RAD54L: variants seen among roughly 807,000 people sequenced by gnomAD.
The protein encoded by RAD54L is DNA repair and recombination protein RAD54-like.
Under a neutral mutation model 91.6 loss-of-function variants are expected in RAD54L, and 74 were observed. The observed-to-expected ratio is 0.81, with a 90% CI of 0.67 to 0.98. The LOEUF (loss-of-function observed/expected upper bound fraction) is 0.98. RAD54L is among the 50% of genes least tolerant of loss of function. The probability of loss-of-function intolerance (pLI) is 0.00; values close to 1 mark genes in which losing one functional copy is unlikely to be tolerated. For synonymous variants in RAD54L, 304 were observed against 349.7 expected (o/e 0.87, Z 1.46); for missense variants, 887 against 945.7 (o/e 0.94, Z 0.81).
chr1:46,270,839 A>C, intron 10 of RAD54L, 54 bp downstream of exon 10: 2 of 1,611,292 alleles, frequency 1.2e-6, no homozygotes, highest in Non-Finnish European at 1.7e-6. Context: ...TCCATGGCCA[A>C]TCCTTTGGGG....
intron 3 of RAD54L, among the ~76,000 whole-genome samples, chr1:46,253,109 G>A (rs1374091874): frequency 6.6e-6 from 1 of 152,120 alleles, no homozygotes; most frequent in Non-Finnish European, 1.5e-5. Context: ...ATTCAGAAAA[G>A]TATAGTTAAT....
At chr1:46,261,527 C>A in intron 8 of RAD54L, 142 bp downstream of exon 8, 1 of 1,027,072 alleles carries the variant, frequency 9.7e-7, no homozygotes, top group Non-Finnish European at 1.5e-6. Context: ...CAGGGAGAGC[C>A]TGTGATACCA....
intron 8 of RAD54L, among the ~76,000 whole-genome samples, chr1:46,262,128 A>C (rs931105280): frequency 6.6e-6 from 1 of 151,692 alleles, no homozygotes; most frequent in African/African-American, 2.4e-5. Flanking sequence ...CAAAACACAC[A>C]TATGACCGGG....
chr1:46,260,122 A>G (rs1159186298), intron 5 of RAD54L, 23 bp downstream of exon 5: 3 of 1,614,152 alleles, frequency 1.9e-6, no homozygotes, highest in South Asian at 1.1e-5. Flanking sequence ...GTATTTCATA[A>G]GCAGTTTTGG....
At chr1:46,270,337 G>A (rs1474652968) in intron 9 of RAD54L, among the ~76,000 whole-genome samples, 1 of 151,996 alleles carries the variant, frequency 6.6e-6, no homozygotes, top group Non-Finnish European at 1.5e-5. Context: ...CTCCAGCCTG[G>A]GTGACAGAGC....
At chr1:46,254,971 A>C (rs1443848973) in intron 3 of RAD54L, among the ~76,000 whole-genome samples, 1 of 152,180 alleles carries the variant, frequency 6.6e-6, no homozygotes, top group African/African-American at 2.4e-5. Flanking sequence ...GAGATCCCAG[A>C]AAGGTGGAGA....
intron 3 of RAD54L, among the ~76,000 whole-genome samples, chr1:46,254,800 A>G (rs1659896744): frequency 6.6e-6 from 1 of 152,068 alleles, no homozygotes; most frequent in Non-Finnish European, 1.5e-5. Flanking sequence ...TTGCCCAGGC[A>G]GGTTTCAAAC....
At position 46,274,575 on chromosome 1, in the gene RAD54L, G is replaced by C. The variant is rs770541202; in HGVS notation, c.1727G>C (p.Gly576Ala). 6.2e-7 allele frequency: 1 copy of C among 1,613,478 alleles called. No individual in the cohort carries two copies. The highest frequency in any genetic ancestry group is 1.1e-5 in the South Asian group (1 of 91,038). Residue 576 changes from glycine to alanine, a missense_variant, in exon 16 of 18, where the codon GGG becomes GCG. Gly to Ala is a moderately conservative substitution (Grantham distance 60). Transcript: ENST00000371975. ...GTCTTCATGCTGAGCAGCAAAGCTG[G>C]GGGCTGTGGCCTCAATCTCATTGGG... is the stretch of plus-strand genomic sequence containing the variant. ...DFVFMLSSKAGGCGLNLIGAN... is the reference protein window; with the variant it reads ...DFVFMLSSKAAGCGLNLIGAN...
chr1:46,266,905 A>G lies in RAD54L; in HGVS notation c.892-554A>G, dbSNP rs542567927. Among the ~76,000 whole-genome samples, 20 of 152,350 alleles carry G rather than the reference A, an allele frequency of 1.3e-4. No homozygotes were observed. The South Asian group carries it at 2.7e-3, about 21-fold the overall frequency. On this transcript the variant is annotated intron_variant, in intron 8 of 17. Coordinates refer to ENST00000371975, the MANE Select transcript of RAD54L (RefSeq NM_003579.4). ...GAGGGAATCTTTGCTTTATGGGTAT[A>G]GCACTGGTCTGGAAACAGGAAGTCT...
intron 7 of RAD54L, 29 bp downstream of exon 7, chr1:46,261,044 C>G (rs747705628): frequency 1.2e-6 from 2 of 1,607,878 alleles, no homozygotes; most frequent in Non-Finnish European, 1.7e-6. Context: ...GATGGCTGCA[C>G]TCTCCTGCAC....
At chr1:46,251,636 T>TTGGTTCATGCC (rs1456069627) in intron 3 of RAD54L, among the ~76,000 whole-genome samples, 1 of 151,932 alleles carries the variant, frequency 6.6e-6, no homozygotes, top group Non-Finnish European at 1.5e-5. Flanking sequence ...GGTGGGCATG[T>TTGGTTCATGCC]TGGTTCATGC....
chr1:46,261,377 T>C lies in RAD54L; in HGVS notation c.883T>C (p.Cys295Arg), dbSNP rs373737756. The change falls in exon 8 of 18, where the codon TGT becomes CGT. Residue 295 changes from cysteine to arginine, a missense_variant. By Grantham distance (180) the Cys-to-Arg change is radical. Coordinates refer to ENST00000371975, the MANE Select transcript of RAD54L (RefSeq NM_003579.4). ...LQKGSVGLVI[C>R]DEGHRLKNSE... ...GAAAGGAAGTGTTGGTCTGGTCATA[T>C]GTGACGAGGTACTTGACTCTCAGCA... 31 of 1,614,020 alleles carry C rather than the reference T, an allele frequency of 1.9e-5. No individual in the cohort carries two copies. Among genetic ancestry groups the C allele is most frequent in the Non-Finnish European group, 2.5e-5 (29 of 1,180,016 alleles).
chr1:46,275,060 A>G (rs1660554249), intron 16 of RAD54L, among the ~76,000 whole-genome samples: 1 of 152,164 alleles, frequency 6.6e-6, no homozygotes, highest in Non-Finnish European at 1.5e-5. Flanking sequence ...CCTTCAGACC[A>G]TCCGTCCCAT....
chr1:46,277,730 G>A (rs1478460654), intron 16 of RAD54L, 87 bp from the exon 17 acceptor site: 7 of 1,455,486 alleles, frequency 4.8e-6, no homozygotes, highest in Non-Finnish European at 6.7e-6. Context: ...GGTAGCTGTA[G>A]TTTCAACCCT....
chr1:46,260,061 TC>T lies in RAD54L; in HGVS notation c.374del (p.Pro125ArgfsTer2). ...EKDALVLYEP[P>X]PLSAHDQLKL... ...AAGATGCCTTGGTTCTGTATGAGCC[TC>T]CCCCGCTGAGCGCTCATGACCAGCT... is the stretch of plus-strand genomic sequence containing the variant. On this transcript the variant is annotated frameshift_variant, in exon 5 of 18. Transcript: ENST00000371975. LOFTEE classifies it high-confidence loss of function. 1.2e-5 allele frequency: 19 copies of T among 1,614,174 alleles called. No homozygotes were observed. The highest frequency in any genetic ancestry group is 1.6e-5 in the Non-Finnish European group (19 of 1,180,028).
At chr1:46,251,396 C>T (rs1053412771) in intron 3 of RAD54L, among the ~76,000 whole-genome samples, 2 of 152,102 alleles carry the variant, frequency 1.3e-5, no homozygotes, top group East Asian at 1.9e-4. Flanking sequence ...CACAAACACC[C>T]GTGAACCCAT....
intron 4 of RAD54L, among the ~76,000 whole-genome samples, chr1:46,258,957 G>A (rs928488669): frequency 3.3e-5 from 5 of 152,158 alleles, no homozygotes; most frequent in African/African-American, 7.2e-5. Flanking sequence ...TCATCTTCTT[G>A]GTAGAGGTGT....
chr1:46,259,149 A>G (rs977840098), intron 4 of RAD54L, among the ~76,000 whole-genome samples: 3 of 150,634 alleles, frequency 2.0e-5, no homozygotes, highest in Non-Finnish European at 4.4e-5. Flanking sequence ...GCTTGGAGGA[A>G]TAGGGAGGCC....
intron 16 of RAD54L, among the ~76,000 whole-genome samples, chr1:46,275,688 C>T (rs1323450175): frequency 6.6e-6 from 1 of 152,178 alleles, no homozygotes; most frequent in Non-Finnish European, 1.5e-5. Flanking sequence ...CTCAAATTTC[C>T]TACCTAACTC....
Sources: allele counts gnomAD v4.1 joint callset (sites outside exome capture counted in the v4.1 genomes callset), GRCh38; gene constraint gnomAD v4.1.1; transcripts MANE v1.5; gene names NCBI Gene and HGNC (gene_info 2026-07-23, HGNC 2026-07-21).